The following CDKL5 variants were observed in gnomAD, a reference collection of about 807,000 sequenced individuals.
The protein encoded by CDKL5 is cyclin-dependent kinase-like 5.
In CDKL5, 8 loss-of-function variants were observed where a neutral mutation model predicts 61.7. That is an observed-to-expected ratio of 0.13 (90% CI 0.08 to 0.23). The LOEUF is 0.23. Ranked by LOEUF, CDKL5 falls within the 10% of genes least tolerant of loss-of-function variation. The pLI, the probability that CDKL5 is intolerant of heterozygous loss-of-function variation, is 1.00. For missense variants in CDKL5, 440 were observed against 734.5 expected, an observed-to-expected ratio of 0.60 and a Z score of 4.63; for synonymous variants, 275 against 272.3, an observed-to-expected ratio of 1.01 and a Z score of -0.10.
chrX:18,472,185 A>G (rs1156451806), intron 1 of CDKL5, among the ~76,000 whole-genome samples: 1 of 112,329 alleles, frequency 8.9e-6, no homozygotes, highest in Non-Finnish European at 1.9e-5. Flanking sequence ...GATGATAGCA[A>G]TGTTAAAATA....
Position 18,636,072 on chromosome X carries a change from G to C in CDKL5, c.*7315G>C, listed in dbSNP as rs1462610190. 1 of 111,393 alleles carries C rather than the reference G, an allele frequency of 9.0e-6. No individual in the cohort carries two copies. The highest frequency in any genetic ancestry group is 2.8e-4 in the East Asian group (1 of 3,550). 9.2% of individuals were successfully genotyped at this position (111,393 alleles called of 1,213,427 possible). A position where few individuals can be genotyped will look rare whatever the true frequency, so the allele number is the denominator to read the frequency against. ...GTTCAATCAGGAGGGAAAGAACTTA[G>C]CTTTTGTGATAACTTATAGATGAAA... On this transcript the variant is annotated 3_prime_UTR_variant, in exon 18 of 18. Transcript: ENST00000623535.
intron 16 of CDKL5, among the ~76,000 whole-genome samples, 173 bp from the exon 17 acceptor site, chrX:18,624,955 C>G (rs1412762232): frequency 9.0e-6 from 1 of 111,658 alleles, no homozygotes; most frequent in African/African-American, 3.3e-5. Context: ...AAGAATTTAA[C>G]TAGCATCACT....
chrX:18,647,470 T>TG (rs1927833353), intron 20 of CDKL5: 1 of 593,028 alleles, frequency 1.7e-6, no homozygotes, highest in Non-Finnish European at 2.8e-6. Context: ...TGGTTCACAA[T>TG]GGGTACAGCT....
chrX:18,514,112 T>C (rs1458338117), intron 3 of CDKL5, among the ~76,000 whole-genome samples: 2 of 111,302 alleles, frequency 1.8e-5, no homozygotes, highest in African/African-American at 3.3e-5. Context: ...ATCTGTGTAC[T>C]GTTGCAGTAA....
chrX:18,602,255 A>G (rs1417920704), intron 11 of CDKL5, among the ~76,000 whole-genome samples: 1 of 112,104 alleles, frequency 8.9e-6, no homozygotes, highest in Non-Finnish European at 1.9e-5. Context: ...GAGAATAACC[A>G]ACACACTTAG....
At chrX:18,595,273 C>T in intron 9 of CDKL5, 75 bp from the exon 10 acceptor site, 2 of 684,215 alleles carry the variant, frequency 2.9e-6, no homozygotes, top group South Asian at 2.1e-5. Flanking sequence ...CTGCTCCCTT[C>T]TGCAACACTC....
At chrX:18,504,857 C>T (rs1244856873) in intron 1 of CDKL5, among the ~76,000 whole-genome samples, 1 of 105,491 alleles carries the variant, frequency 9.5e-6, no homozygotes, top group East Asian at 3.0e-4. Context: ...GGTGTGAACC[C>T]GGGAGGCGGA....
intron 1 of CDKL5, among the ~76,000 whole-genome samples, chrX:18,435,531 G>A (rs1254956996): frequency 9.0e-6 from 1 of 110,949 alleles, no homozygotes; most frequent in Non-Finnish European, 1.9e-5. Context: ...AGACTACATG[G>A]AGTGATAAAA....
downstream of CDKL5, chrX:18,644,396 G>A (rs201856847): frequency 7.3e-4 from 863 of 1,186,952 alleles, 2 homozygotes; most frequent in African/African-American, 0.013. Flanking sequence ...CAGAGGGTGC[G>A]AGCTGAAGTT....
At chrX:18,462,003 A>T (rs943774348) in intron 1 of CDKL5, among the ~76,000 whole-genome samples, 1 of 110,996 alleles carries the variant, frequency 9.0e-6, no homozygotes, top group Non-Finnish European at 1.9e-5. Flanking sequence ...TGTGGGCTGC[A>T]TGTGGCCCAG....
downstream of CDKL5, among the ~76,000 whole-genome samples, chrX:18,643,944 C>T (rs1927675095): frequency 9.0e-6 from 1 of 111,155 alleles, no homozygotes; most frequent in South Asian, 3.8e-4. Flanking sequence ...GGTTTAAGTT[C>T]GTCTGTGTTT....
chrX:18,468,118 G>T (rs983337436), intron 1 of CDKL5, among the ~76,000 whole-genome samples: 5 of 110,793 alleles, frequency 4.5e-5, no homozygotes, highest in African/African-American at 1.6e-4. Flanking sequence ...TCTAATTTTG[G>T]AGTATGATTA....
intron 2 of CDKL5, among the ~76,000 whole-genome samples, chrX:18,508,032 A>C (rs1290493519): frequency 8.9e-6 from 1 of 111,930 alleles, no homozygotes; most frequent in East Asian, 2.8e-4. Context: ...TCCTAAAAAA[A>C]AATCATTTCT....
Position 18,631,589 on chromosome X carries a change from A to G in CDKL5, c.*2832A>G, listed in dbSNP as rs1927237670. 1 of 754,500 alleles carries G rather than the reference A, an allele frequency of 1.3e-6. No homozygotes were observed. 62.2% of individuals were successfully genotyped at this position (754,500 alleles called of 1,213,427 possible). Reference sequence around the variant, plus strand: ...AATTTGCCTTTTCTTTAGGAAGGGGAATTCATGACATCCATGTCCTATTAT... The same window carrying G: ...AATTTGCCTTTTCTTTAGGAAGGGGGATTCATGACATCCATGTCCTATTAT... On this transcript the variant is annotated 3_prime_UTR_variant, in exon 18 of 18. Coordinates refer to ENST00000623535, the MANE Select transcript of CDKL5 (RefSeq NM_001323289.2).
chrX:18,516,284 G>A (rs949363048), intron 3 of CDKL5, among the ~76,000 whole-genome samples: 3 of 90,707 alleles, frequency 3.3e-5, no homozygotes, highest in African/African-American at 7.9e-5. Context: ...CCTGGCCTAC[G>A]TTTTTTTTTT....
intron 1 of CDKL5, among the ~76,000 whole-genome samples, chrX:18,433,436 G>A (rs192980402): frequency 1.8e-5 from 2 of 111,110 alleles, no homozygotes; most frequent in African/African-American, 6.5e-5. Context: ...TATAATCCCA[G>A]CTACTCGGGA....
intron 4 of CDKL5, among the ~76,000 whole-genome samples, chrX:18,567,476 A>G (rs1005969350): frequency 8.9e-6 from 1 of 112,031 alleles, no homozygotes; most frequent in African/African-American, 3.2e-5. Flanking sequence ...TAACTGAAAT[A>G]GGATCTGCAC....
intron 10 of CDKL5, among the ~76,000 whole-genome samples, chrX:18,597,437 A>G (rs925037099): frequency 9.1e-6 from 1 of 109,894 alleles, no homozygotes; most frequent in Non-Finnish European, 1.9e-5. Context: ...CCTTAAGACT[A>G]GCTGTAGTAA....
chrX:18,491,139 C>T (rs1390247960), intron 1 of CDKL5, among the ~76,000 whole-genome samples: 2 of 112,011 alleles, frequency 1.8e-5, no homozygotes, highest in Non-Finnish European at 3.8e-5. Flanking sequence ...AATGAATTTA[C>T]TCAATTGCTC....
Sources: allele counts gnomAD v4.1 joint callset (sites outside exome capture counted in the v4.1 genomes callset), GRCh38; gene constraint gnomAD v4.1.1; transcripts MANE v1.5; gene names NCBI Gene and HGNC (gene_info 2026-07-23, HGNC 2026-07-21).